NREP: variants seen among roughly 807,000 people sequenced by gnomAD.
NREP encodes the protein neuronal regeneration-related protein.
In NREP, 5 loss-of-function variants were observed where a neutral mutation model predicts 8.6. The observed-to-expected ratio is 0.58, with a 90% CI of 0.30 to 1.22. The LOEUF (loss-of-function observed/expected upper bound fraction) is 1.22, where lower values mean the gene tolerates loss of function less well. Among genes scored for constraint, NREP ranks in the 50% most tolerant of loss-of-function variants. The pLI, the probability that NREP is intolerant of heterozygous loss-of-function variation, is 0.07. For synonymous variants in NREP, 27 were observed against 28.0 expected, an observed-to-expected ratio of 0.96 and a Z score of 0.11; for missense variants, 86 against 82.5, an observed-to-expected ratio of 1.04 and a Z score of -0.17.
chr5:111,777,221 T>C (rs1302268634), intron 2 of NREP, among the ~76,000 whole-genome samples: 2 of 152,160 alleles, frequency 1.3e-5, no homozygotes, highest in African/African-American at 2.4e-5. Context: ...ATTAATATCA[T>C]TCCTGATGCC....
chr5:111,871,194 C>T (rs919139469), intron 2 of NREP, among the ~76,000 whole-genome samples: 1 of 152,038 alleles, frequency 6.6e-6, no homozygotes, highest in African/African-American at 2.4e-5. Context: ...ATATAGCCCA[C>T]TACCCACTGA....
intron 2 of NREP, among the ~76,000 whole-genome samples, chr5:111,928,817 A>G (rs1755461172): frequency 6.6e-6 from 1 of 152,170 alleles, no homozygotes; most frequent in African/African-American, 2.4e-5. Flanking sequence ...TTAGGAAAGA[A>G]TACATTTAGA....
At chr5:111,936,383 T>TC (rs1381994101) in intron 2 of NREP, among the ~76,000 whole-genome samples, 1 of 152,004 alleles carries the variant, frequency 6.6e-6, no homozygotes, top group Non-Finnish European at 1.5e-5. Flanking sequence ...GTGCCTTGCT[T>TC]CCCCTTCACC....
At chr5:111,763,017 G>T (rs1035727845) in intron 2 of NREP, among the ~76,000 whole-genome samples, 1 of 152,160 alleles carries the variant, frequency 6.6e-6, no homozygotes, top group Admixed American at 6.5e-5. Flanking sequence ...TTCACGGCTC[G>T]TTTTTCTCAG....
At chr5:111,891,784 C>G (rs556305509) in intron 2 of NREP, among the ~76,000 whole-genome samples, 1 of 152,004 alleles carries the variant, frequency 6.6e-6, no homozygotes, top group East Asian at 1.9e-4. Flanking sequence ...CCAGATCTAG[C>G]GAGAACTCAC....
chr5:111,833,776 C>A (rs1208578143), intron 2 of NREP, among the ~76,000 whole-genome samples: 1 of 152,150 alleles, frequency 6.6e-6, no homozygotes, highest in Non-Finnish European at 1.5e-5. Context: ...TGGGAAAACT[C>A]ATTAGAAGCC....
intron 2 of NREP, among the ~76,000 whole-genome samples, chr5:111,904,085 AAAAT>A (rs1371421728): frequency 6.6e-6 from 1 of 152,182 alleles, no homozygotes; most frequent in Non-Finnish European, 1.5e-5. Flanking sequence ...AGGCTTACAG[AAAAT>A]TGAGCAGCTA....
intron 2 of NREP, among the ~76,000 whole-genome samples, chr5:111,947,121 C>G (rs868330240): frequency 1.4e-3 from 206 of 151,934 alleles, no homozygotes; most frequent in African/African-American, 4.8e-3. Context: ...GGTATAAATT[C>G]AAAGAAATAA....
chr5:111,972,505 T>G (rs1362382907), intron 2 of NREP, among the ~76,000 whole-genome samples: 1 of 152,232 alleles, frequency 6.6e-6, no homozygotes, highest in African/African-American at 2.4e-5. Context: ...ATGATTTTAT[T>G]TTTTAATTAT....
chr5:111,883,487 C>G (rs1010271723), intron 2 of NREP, among the ~76,000 whole-genome samples: 2 of 152,190 alleles, frequency 1.3e-5, no homozygotes, highest in Non-Finnish European at 2.9e-5. Context: ...TAGACATCTA[C>G]AGAACTCTCC....
chr5:111,740,989 ACTG>A, intron 2 of NREP, among the ~76,000 whole-genome samples: 1 of 152,296 alleles, frequency 6.6e-6, no homozygotes, highest in East Asian at 1.9e-4. Flanking sequence ...ACACATAAAT[ACTG>A]CTTACTTCAT....
chr5:111,924,927 A>C (rs1755343373), intron 2 of NREP, among the ~76,000 whole-genome samples: 1 of 152,104 alleles, frequency 6.6e-6, no homozygotes, highest in South Asian at 2.1e-4. Flanking sequence ...AAATGTCTCC[A>C]CGTAATAAGG....
chr5:111,817,290 C>A (rs562460472), intron 2 of NREP, among the ~76,000 whole-genome samples: 1 of 152,198 alleles, frequency 6.6e-6, no homozygotes, highest in East Asian at 1.9e-4. Flanking sequence ...TTGCACTGGA[C>A]GGAACCTCAG....
At chr5:111,755,703 G>C (rs1169224186) in intron 2 of NREP, 67 bp downstream of exon 2, 7 of 1,535,192 alleles carry the variant, frequency 4.6e-6, no homozygotes, top group Middle Eastern at 3.4e-4. Context: ...GAAGATGGGT[G>C]GTTGATATTT....
In NREP at chr5:111,852,872, G is replaced by A. The variant is rs562378678; in HGVS notation, c.136-117365C>T. On this transcript the variant is annotated intron_variant, in intron 2 of 3. Coordinates refer to the NREP transcript ENST00000395634. ...TGCCACTTTAGTCCTGTGTGACCTT[G>A]AGAAAATCACTAAACCTCTCTGTGC... 2.0e-5 allele frequency among the ~76,000 whole-genome samples: 3 copies of A among 152,268 alleles called. No homozygotes were observed. In the South Asian group the frequency reaches 6.2e-4, roughly 32 times the overall value.
chr5:111,839,723 T>C (rs1752978480), intron 2 of NREP, among the ~76,000 whole-genome samples: 1 of 152,126 alleles, frequency 6.6e-6, no homozygotes, highest in Non-Finnish European at 1.5e-5. Flanking sequence ...GCAAAAGTTG[T>C]TATAATAATA....
At chr5:111,899,993 C>T (rs766279890) in intron 2 of NREP, among the ~76,000 whole-genome samples, 7 of 152,150 alleles carry the variant, frequency 4.6e-5, no homozygotes, top group Non-Finnish European at 1.0e-4. Flanking sequence ...GCAGACTACA[C>T]ATTCTTCTCA....
intron 2 of NREP, among the ~76,000 whole-genome samples, chr5:111,852,379 T>C (rs6594549): frequency 0.98 from 149,882 of 152,242 alleles, 73,823 homozygotes; most frequent in Non-Finnish European, 1. Flanking sequence ...GTATGTGAGG[T>C]CCCCTTCACA....
chr5:111,800,938 T>C (rs941926757), intron 2 of NREP, among the ~76,000 whole-genome samples: 1 of 152,156 alleles, frequency 6.6e-6, no homozygotes, highest in Non-Finnish European at 1.5e-5. Flanking sequence ...TAAATTCACT[T>C]GGTAACTGGA....
Sources: gnomAD v4.1 joint callset for allele counts (sites outside exome capture counted in the v4.1 genomes callset) on GRCh38, gnomAD v4.1.1 for gene constraint, MANE v1.5 for transcripts, NCBI Gene and HGNC (gene_info 2026-07-23, HGNC 2026-07-21) for gene names.